MYRFL: variants seen among roughly 807,000 people sequenced by gnomAD.
The protein encoded by MYRFL is myelin regulatory factor-like protein.
In MYRFL, 88 loss-of-function variants were observed where a neutral mutation model predicts 109.4. The ratio of observed to expected loss-of-function variants is 0.80; its 90% confidence interval spans 0.68 to 0.96. MYRFL has a LOEUF of 0.96. MYRFL is among the 40% of genes least tolerant of loss of function. The pLI is 0.00. For synonymous variants in MYRFL, 324 were observed against 320.9 expected, an observed-to-expected ratio of 1.01 and a Z score of -0.10; for missense variants, 957 against 954.9, an observed-to-expected ratio of 1.00 and a Z score of -0.03.
chr12:69,851,306 G>A (rs1221123234), intron 1 of MYRFL, among the ~76,000 whole-genome samples: 1 of 152,124 alleles, frequency 6.6e-6, no homozygotes, highest in Non-Finnish European at 1.5e-5. Context: ...ATATACTTAT[G>A]GAACAAACTT....
At chr12:69,939,237 C>A (rs1955564116) in intron 19 of MYRFL, among the ~76,000 whole-genome samples, 2 of 152,326 alleles carry the variant, frequency 1.3e-5, no homozygotes, top group South Asian at 4.1e-4. Flanking sequence ...CCTCTGGGGG[C>A]AGGGCACAGA....
At chr12:69,902,281 A>G (rs1409712844) in intron 10 of MYRFL, among the ~76,000 whole-genome samples, 1 of 152,226 alleles carries the variant, frequency 6.6e-6, no homozygotes, top group African/African-American at 2.4e-5. Context: ...GAATTAGGAA[A>G]TTGAAGACAT....
intron 5 of MYRFL, among the ~76,000 whole-genome samples, chr12:69,880,949 C>CTTTTTTTTT (rs1555246940): frequency 6.6e-5 from 2 of 30,222 alleles, no homozygotes; most frequent in African/African-American, 9.5e-5. Flanking sequence ...GTCAGCCTTC[C>CTTTTTTTTT]TGTTTTTTTT....
At chr12:69,914,552 T>C (rs1177442119) in intron 13 of MYRFL, among the ~76,000 whole-genome samples, 1 of 152,198 alleles carries the variant, frequency 6.6e-6, no homozygotes, top group Non-Finnish European at 1.5e-5. Flanking sequence ...GCCAAATAAT[T>C]AGTTCTCTCC....
intron 13 of MYRFL, 74 bp from the exon 14 acceptor site, chr12:69,926,497 G>T: frequency 1.6e-6 from 2 of 1,225,506 alleles, no homozygotes; most frequent in South Asian, 5.5e-5. Flanking sequence ...AGCTGTCTTT[G>T]AATGGGCTGT....
intron 2 of MYRFL, among the ~76,000 whole-genome samples, chr12:69,859,774 G>A (rs530363900): frequency 1.2e-4 from 19 of 152,074 alleles, no homozygotes; most frequent in Non-Finnish European, 2.1e-4. Flanking sequence ...GAAACAACAG[G>A]TGCTGGAGAG....
intron 7 of MYRFL, 78 bp downstream of exon 7, chr12:69,891,244 A>G (rs530476216): frequency 2.8e-6 from 3 of 1,086,758 alleles, no homozygotes; most frequent in South Asian, 4.6e-5. Flanking sequence ...ATGACAAACT[A>G]TCCCAAAATG....
chr12:69,918,500 T>C (rs182841487), intron 13 of MYRFL, among the ~76,000 whole-genome samples: 51 of 152,258 alleles, frequency 3.3e-4, no homozygotes, highest in African/African-American at 1.2e-3. Flanking sequence ...CTGGAACCAA[T>C]ACAAGGAGTG....
chr12:69,840,836 G>T (rs889866187), intron 1 of MYRFL, among the ~76,000 whole-genome samples: 1 of 152,156 alleles, frequency 6.6e-6, no homozygotes, highest in Non-Finnish European at 1.5e-5. Flanking sequence ...TTTTGCATCT[G>T]TGACAGTTTT....
intron 1 of MYRFL, among the ~76,000 whole-genome samples, chr12:69,827,601 G>A (rs562781786): frequency 7.9e-5 from 12 of 152,166 alleles, no homozygotes; most frequent in Admixed American, 2.6e-4. Context: ...CAAAAAAAAG[G>A]TTGTCATAAG....
intron 1 of MYRFL, among the ~76,000 whole-genome samples, chr12:69,854,039 C>A (rs931738372): frequency 7.2e-5 from 11 of 152,234 alleles, no homozygotes. Context: ...CACGCCACTG[C>A]ACTCCAGCCT....
At chr12:69,832,827 G>C (rs191775391) in intron 1 of MYRFL, among the ~76,000 whole-genome samples, 152 of 152,056 alleles carry the variant, frequency 1.0e-3, no homozygotes, top group Non-Finnish European at 1.8e-3. Context: ...GCAGATGGGT[G>C]GGACGTGGGT....
Position 69,926,932 on chromosome 12 carries a change from G to GTTTTTTTTTTTTTTTTTTTTTTT in MYRFL, c.1766+198_1766+199insTTTTTTTTTTTTTTTTTTTTTTT, listed in dbSNP as rs1336716063. 9.4e-4 allele frequency among the ~76,000 whole-genome samples: 72 copies of GTTTTTTTTTTTTTTTTTTTTTTT among 76,850 alleles called. 26 individuals are homozygous for GTTTTTTTTTTTTTTTTTTTTTTT. Among genetic ancestry groups the GTTTTTTTTTTTTTTTTTTTTTTT allele is most frequent in the Non-Finnish European group, 1.4e-3 (56 of 39,078 alleles). The allele number at this position is 76,850 out of a possible 152,430, so 50.4% of individuals were successfully genotyped here. On this transcript the variant is annotated intron_variant, in intron 14 of 24. Transcript: ENST00000552032. ...ACTTTCTTAGTTTTTTTCTGTTGCT[G>GTTTTTTTTTTTTTTTTTTTTTTT]GTTTTTTTTTTTTTTTTTTTTTTTT...
intron 1 of MYRFL, among the ~76,000 whole-genome samples, chr12:69,845,097 C>T (rs1391598378): frequency 6.6e-5 from 10 of 152,122 alleles, no homozygotes; most frequent in African/African-American, 1.4e-4. Flanking sequence ...GAGAGGCATC[C>T]GCATAGAAAA....
At chr12:69,865,680 C>G (rs192903760) in intron 2 of MYRFL, among the ~76,000 whole-genome samples, 3 of 152,244 alleles carry the variant, frequency 2.0e-5, no homozygotes, top group Admixed American at 2.0e-4. Flanking sequence ...TTCTGAGCTA[C>G]CTGGGAGGTC....
chr12:69,958,392 C>A, intron 24 of MYRFL, 53 bp from the exon 25 acceptor site: 1 of 1,514,522 alleles, frequency 6.6e-7, no homozygotes, highest in South Asian at 1.3e-5. Context: ...TCACTTTAAC[C>A]ACAGTTAATT....
At chr12:69,899,599 A>G (rs1357752135) in intron 10 of MYRFL, among the ~76,000 whole-genome samples, 1 of 152,242 alleles carries the variant, frequency 6.6e-6, no homozygotes, top group Non-Finnish European at 1.5e-5. Flanking sequence ...AAGCAAATCC[A>G]GACTTGTTCT....
chr12:69,825,728 C>G (rs893739319), intron 1 of MYRFL, among the ~76,000 whole-genome samples, 165 bp downstream of exon 1: 2 of 151,998 alleles, frequency 1.3e-5, no homozygotes, highest in Non-Finnish European at 2.9e-5. Flanking sequence ...ACATTGGGAG[C>G]AAAATTCAAT....
chr12:69,875,376 T>A (rs561482071), intron 2 of MYRFL, among the ~76,000 whole-genome samples: 20 of 152,336 alleles, frequency 1.3e-4, no homozygotes, highest in Non-Finnish European at 2.9e-5. Flanking sequence ...TTATTTATTT[T>A]TTTTCACAAG....
Sources: allele counts gnomAD v4.1 joint callset (sites outside exome capture counted in the v4.1 genomes callset), GRCh38; gene constraint gnomAD v4.1.1; transcripts MANE v1.5; gene names NCBI Gene and HGNC (gene_info 2026-07-23, HGNC 2026-07-21).